Variants in DAPK2 observed in about 807,000 individuals in gnomAD.
DAPK2 encodes death associated protein kinase 2, also known as death-associated protein kinase 2.
In DAPK2, 35 loss-of-function variants were observed where a neutral mutation model predicts 44.1. That is an observed-to-expected ratio of 0.79 (90% CI 0.61 to 1.05). DAPK2 has a LOEUF of 1.05. Among genes scored for constraint, DAPK2 ranks in the 50% least tolerant of loss-of-function variants. DAPK2 has a pLI of 0.00. For missense variants in DAPK2, 453 were observed against 483.2 expected (o/e 0.94, Z 0.59); for synonymous variants, 174 against 182.6 (o/e 0.95, Z 0.38).
intron 3 of DAPK2, among the ~76,000 whole-genome samples, chr15:63,958,237 T>C (rs1275671915): frequency 6.6e-6 from 1 of 152,204 alleles, no homozygotes; most frequent in Non-Finnish European, 1.5e-5. Flanking sequence ...AAGTTCTTTG[T>C]AGATTCTGGA....
intron 1 of DAPK2, chr15:63,991,435 T>C (rs2078815432): frequency 2.4e-6 from 1 of 424,510 alleles, no homozygotes; most frequent in Non-Finnish European, 4.7e-6. Flanking sequence ...ATGAGCCTGT[T>C]TCCCCTCCCT....
intron 1 of DAPK2, among the ~76,000 whole-genome samples, chr15:64,010,364 C>T (rs145840203): frequency 1.3e-5 from 2 of 152,318 alleles, no homozygotes; most frequent in African/African-American, 4.8e-5. Flanking sequence ...TTTACTACTA[C>T]TCTCAATAAC....
At chr15:64,021,067 C>A (rs2141079847) in intron 1 of DAPK2, among the ~76,000 whole-genome samples, 1 of 152,352 alleles carries the variant, frequency 6.6e-6, no homozygotes, top group East Asian at 1.9e-4. Flanking sequence ...AAGAAAGCCA[C>A]AACCCTGATC....
chr15:64,034,349 T>C (rs924954719), intron 1 of DAPK2, among the ~76,000 whole-genome samples: 2 of 152,204 alleles, frequency 1.3e-5, no homozygotes, highest in Non-Finnish European at 2.9e-5. Flanking sequence ...CCAGTCTGTC[T>C]ACCCCCTGCC....
rs769429201 is a variant in DAPK2, at chr15:63,929,593, C to T, written c.633-16G>A. 8 of 1,613,840 alleles carry T rather than the reference C, an allele frequency of 5.0e-6. No homozygotes were observed. The East Asian group carries it at 1.6e-4, about 31-fold the overall frequency. On this transcript the variant is annotated splice_polypyrimidine_tract_variant and intron_variant, in intron 5 of 10. Coordinates refer to ENST00000261891, the Ensembl canonical transcript of DAPK2. ...GCCTATGCTCCTGCAAAATAAAGAA[C>T]AGTCAAGTCAGGGCCACCTGGGTCC... is the stretch of plus-strand genomic sequence containing the variant.
Position 63,990,993 on chromosome 15 carries a change from G to C in DAPK2, c.93-7239C>G, listed in dbSNP as rs1357430459. 6.6e-6 allele frequency among the ~76,000 whole-genome samples: 1 copy of C among 151,888 alleles called. No homozygotes were observed. Among genetic ancestry groups the C allele is most frequent in the Non-Finnish European group, 1.5e-5 (1 of 67,978 alleles). On this transcript the variant is annotated intron_variant, in intron 1 of 10. Transcript: ENST00000261891. This position sits in a 1 kb window ranked among gnomAD's most constrained non-coding sequence, Gnocchi z 4.3. The stretch of plus-strand genomic sequence containing the variant: ...CTGTGGAGCCTCTGTGGCTGACCCT[G>C]TCCTTATTTCCCACCCTTTCCCAAC...
intron 1 of DAPK2, among the ~76,000 whole-genome samples, chr15:63,993,109 A>G (rs1172445441): frequency 1.3e-5 from 2 of 152,090 alleles, no homozygotes; most frequent in Non-Finnish European, 2.9e-5. Flanking sequence ...CCTCTCCTGC[A>G]TCCAGCCCGC....
chr15:64,028,843 G>C (rs1050170761), intron 1 of DAPK2, among the ~76,000 whole-genome samples: 1 of 152,030 alleles, frequency 6.6e-6, no homozygotes, highest in Admixed American at 6.6e-5. Context: ...AGGGGAAAGA[G>C]AGAGAGAGAA....
Position 63,908,363 on chromosome 15 carries a change from G to A in DAPK2, c.*157C>T. The A allele has an allele frequency of 2.3e-6, 1 of 440,836 alleles. No homozygotes were observed. Among genetic ancestry groups the A allele is most frequent in the South Asian group, 5.1e-5 (1 of 19,722 alleles). 27.3% of individuals were successfully genotyped at this position (440,836 alleles called of 1,614,324 possible). A position where few individuals can be genotyped will look rare whatever the true frequency, so the allele number is the denominator to read the frequency against. ...ACAGCCACAGCTCCCAGGGTCTCCT[G>A]GCTTGCCTGCAAGCTCTTCTGAATT... On this transcript the variant is annotated 3_prime_UTR_variant, in exon 11 of 11. Coordinates refer to ENST00000261891, the Ensembl canonical transcript of DAPK2. This position sits in a 1 kb window ranked among gnomAD's most constrained non-coding sequence, Gnocchi z 5.7.
At chr15:64,042,039 G>A (rs2080365375), upstream of DAPK2, among the ~76,000 whole-genome samples, 1 of 152,126 alleles carries the variant, frequency 6.6e-6, no homozygotes, top group African/African-American at 2.4e-5. The surrounding 1 kb of genome is among the most constrained non-coding windows in gnomAD (Gnocchi z 4.7). Flanking sequence ...TTCCAGACTA[G>A]CGTGAGTGTA....
chr15:64,023,859 C>T (rs375173746), intron 1 of DAPK2, among the ~76,000 whole-genome samples: 15 of 152,292 alleles, frequency 9.8e-5, no homozygotes, highest in South Asian at 4.1e-4. Context: ...CTACAGGAGG[C>T]GGAAGACTGC....
At chr15:64,032,020 A>G (rs1022651069) in intron 1 of DAPK2, among the ~76,000 whole-genome samples, 1 of 152,214 alleles carries the variant, frequency 6.6e-6, no homozygotes, top group African/African-American at 2.4e-5. Flanking sequence ...CAGATCCCAG[A>G]TGCTCTGCAG....
chr15:64,002,977 T>TGGGGGGGG (rs2079134521), intron 1 of DAPK2, among the ~76,000 whole-genome samples: 2 of 56,852 alleles, frequency 3.5e-5, no homozygotes, highest in African/African-American at 9.5e-5. Context: ...GTGGGACCTG[T>TGGGGGGGG]GTGTGTGTGT....
chr15:63,992,502 T>G (rs1487078243), intron 1 of DAPK2, among the ~76,000 whole-genome samples: 2 of 152,218 alleles, frequency 1.3e-5, no homozygotes, highest in African/African-American at 4.8e-5. Context: ...ATATAGTCTA[T>G]TGCAGAGATT....
intron 2 of DAPK2, among the ~76,000 whole-genome samples, chr15:63,982,391 A>G (rs535399537): frequency 5.3e-5 from 8 of 152,102 alleles, no homozygotes; most frequent in South Asian, 2.1e-4. Flanking sequence ...GGGTTTCACC[A>G]TGTTAGCCAG....
chr15:64,008,522 G>A (rs1398391911), intron 1 of DAPK2, among the ~76,000 whole-genome samples: 2 of 152,112 alleles, frequency 1.3e-5, no homozygotes, highest in African/African-American at 2.4e-5. Context: ...TCATAGACAA[G>A]AAAAAGCTGG....
intron 4 of DAPK2, among the ~76,000 whole-genome samples, chr15:63,938,785 G>T (rs1315229795): frequency 6.6e-6 from 1 of 152,226 alleles, no homozygotes; most frequent in African/African-American, 2.4e-5. Context: ...ATAAAGCCAG[G>T]CATAGAGGAG....
intron 2 of DAPK2, among the ~76,000 whole-genome samples, chr15:63,979,273 T>G (rs1425306562): frequency 6.6e-6 from 1 of 152,184 alleles, no homozygotes; most frequent in Non-Finnish European, 1.5e-5. Flanking sequence ...ATTAAATCCT[T>G]CCCAGTCCTG....
chr15:64,033,297 G>A (rs1397621280), intron 1 of DAPK2, among the ~76,000 whole-genome samples: 1 of 135,546 alleles, frequency 7.4e-6, no homozygotes, highest in Non-Finnish European at 1.6e-5. Flanking sequence ...GGGAAGGAAG[G>A]AAGGAAGGAA....
Sources: allele counts gnomAD v4.1 joint callset (sites outside exome capture counted in the v4.1 genomes callset), GRCh38; gene constraint gnomAD v4.1.1; non-coding constraint Gnocchi (gnomAD v3.1); transcripts MANE v1.5; gene names NCBI Gene and HGNC (gene_info 2026-07-23, HGNC 2026-07-21).